Variants in OSGEP observed in about 807,000 individuals in gnomAD.
The protein encoded by OSGEP is O-sialoglycoprotein endopeptidase.
In OSGEP, 39 loss-of-function variants were observed where a neutral mutation model predicts 44.1. The observed-to-expected ratio is 0.88, with a 90% CI of 0.69 to 1.16. OSGEP has a LOEUF of 1.16. Ranked by LOEUF, OSGEP falls within the 50% of genes most tolerant of loss-of-function variation. The probability of loss-of-function intolerance (pLI) is 0.00; values close to 1 mark genes in which losing one functional copy is unlikely to be tolerated. For synonymous variants in OSGEP, 139 were observed against 161.9 expected (o/e 0.86, Z 1.07); for missense variants, 403 against 443.1 (o/e 0.91, Z 0.81).
chr14:20,447,065 C>A lies in OSGEP; in HGVS notation c.*175G>T. ...CAATCCAATCACCAACATACAAAAC[C>A]AAAAAACCAAAAATATTTTATTGCT... is the stretch of plus-strand genomic sequence containing the variant. On this transcript the variant is annotated 3_prime_UTR_variant, in exon 11 of 11. Coordinates refer to ENST00000206542, the MANE Select transcript of OSGEP (RefSeq NM_017807.4). 3.1e-6 allele frequency: 2 copies of A among 639,630 alleles called. No individual in the cohort carries two copies. Among genetic ancestry groups the A allele is most frequent in the Non-Finnish European group, 2.8e-6 (1 of 355,326 alleles). The allele number at this position is 639,630 out of a possible 1,614,324, so 39.6% of individuals were successfully genotyped here.
At chr14:20,454,045 A>G (rs1014167264) in intron 1 of OSGEP, among the ~76,000 whole-genome samples, 1 of 152,140 alleles carries the variant, frequency 6.6e-6, no homozygotes, top group African/African-American at 2.4e-5. Context: ...ATAAAAAATA[A>G]AGACCAAATG....
chr14:20,452,548 G>T, intron 1 of OSGEP, 100 bp from the exon 2 acceptor site: 1 of 1,128,566 alleles, frequency 8.9e-7, no homozygotes, highest in Non-Finnish European at 1.3e-6. Flanking sequence ...TGTAGTAAGA[G>T]TCCTTTCACT....
rs1315440499 is a variant in OSGEP at position 20,446,603 on chromosome 14, AT to A, written c.*636del. ...AGATGTGCGCCACCATGCCCAGATA[AT>A]TTTTACATTTTTCAAATAGATGGTG... On this transcript the variant is annotated 3_prime_UTR_variant, in exon 11 of 11. Transcript: ENST00000206542. The A allele has an allele frequency of 1.3e-5, 2 of 152,024 alleles. No individual in the cohort carries two copies. Among genetic ancestry groups the A allele is most frequent in the Non-Finnish European group, 2.9e-5 (2 of 68,052 alleles). 9.4% of individuals were successfully genotyped at this position (152,024 alleles called of 1,614,324 possible).
At position 20,447,186 on chromosome 14, in the gene OSGEP, G is replaced by A. The variant is rs896456902; in HGVS notation, c.*54C>T. 10 of 1,480,658 alleles carry A rather than the reference G, an allele frequency of 6.8e-6. No homozygotes were observed. Among genetic ancestry groups the A allele is most frequent in the South Asian group, 3.4e-5 (3 of 88,342 alleles). The allele number at this position is 1,480,658 out of a possible 1,614,324, so 91.7% of individuals were successfully genotyped here. A position where few individuals can be genotyped will look rare whatever the true frequency, so the allele number is the denominator to read the frequency against. ...GACATCAGGATAGAGATTGAGGCAC[G>A]GGGTCCTTTGGGTTCCGATTAAGGA... On this transcript the variant is annotated 3_prime_UTR_variant, in exon 11 of 11. Coordinates refer to ENST00000206542, the MANE Select transcript of OSGEP (RefSeq NM_017807.4).
chr14:20,448,861 C>T (rs770185112), intron 5 of OSGEP, 50 bp from the exon 6 acceptor site: 3 of 1,589,240 alleles, frequency 1.9e-6, no homozygotes, highest in African/African-American at 1.3e-5. Flanking sequence ...CAGCTGGCTT[C>T]TCACCCTCCA....
intron 1 of OSGEP, among the ~76,000 whole-genome samples, chr14:20,453,168 G>GC (rs1409589202): frequency 6.6e-6 from 1 of 152,048 alleles, no homozygotes; most frequent in Non-Finnish European, 1.5e-5. Flanking sequence ...TATTCCCAGT[G>GC]CCCAAGTGCC....
At chr14:20,447,579 GAAGT>G in intron 9 of OSGEP, 32 bp downstream of exon 9, 1 of 1,608,340 alleles carries the variant, frequency 6.2e-7, no homozygotes, top group African/African-American at 1.3e-5. Flanking sequence ...TATAACAGGA[GAAGT>G]AAAAAAGAAA....
chr14:20,454,335 T>G (rs1307212933), intron 1 of OSGEP, among the ~76,000 whole-genome samples: 1 of 152,222 alleles, frequency 6.6e-6, no homozygotes, highest in East Asian at 1.9e-4. Context: ...GTATAACATC[T>G]ATTTCTGAAT....
At position 20,454,633 on chromosome 14, in the gene OSGEP, G is replaced by A; in HGVS notation, c.51C>T (p.Gly17=). 3 of 1,614,160 alleles carry A rather than the reference G, an allele frequency of 1.9e-6. No individual in the cohort carries two copies. Among genetic ancestry groups the A allele is most frequent in the Non-Finnish European group, 2.5e-6 (3 of 1,179,998 alleles). The change falls in exon 1 of 11, where the codon GGC becomes GGT. Residue 17 remains glycine, a synonymous_variant. Transcript: ENST00000206542. ...CCAGCACCTTGCCATCCCGCACCACGCCCACGCCAATCTTATTGGCGCTGC... is the reference window on the plus strand; with the variant it reads ...CCAGCACCTTGCCATCCCGCACCACACCCACGCCAATCTTATTGGCGCTGC... ...FEGSANKIGV[G]VVRDGKVLAN...
At chr14:20,454,299 C>T (rs1881196433) in intron 1 of OSGEP, among the ~76,000 whole-genome samples, 1 of 152,148 alleles carries the variant, frequency 6.6e-6, no homozygotes, top group Non-Finnish European at 1.5e-5. Context: ...GTATAAACAT[C>T]TATTTATATG....
chr14:20,447,274 C>G lies in OSGEP; in HGVS notation c.974G>C (p.Arg325Pro). The change falls in exon 11 of 11, where the codon CGG (arginine) becomes CCG (proline). Residue 325 changes from arginine to proline, a missense_variant. By Grantham distance (103) the Arg-to-Pro change is moderately radical (BLOSUM62 -2). Coordinates refer to ENST00000206542, the MANE Select transcript of OSGEP (RefSeq NM_017807.4). ...LSDSGVTQRYRTDEVEVTWRD is the reference protein window; with the variant it reads ...LSDSGVTQRYPTDEVEVTWRD The stretch of plus-strand genomic sequence containing the variant: ...CCAGGTCACCTCTACTTCATCTGTC[C>G]GATACCTGTGGAAAAACAGAAGAAA... The G allele has an allele frequency of 1.9e-6, 3 of 1,614,076 alleles. No individual in the cohort carries two copies. The highest frequency in any genetic ancestry group is 2.5e-6 in the Non-Finnish European group (3 of 1,179,966).
chr14:20,447,392 T>G, intron 10 of OSGEP, 30 bp downstream of exon 10: 1 of 1,606,840 alleles, frequency 6.2e-7, no homozygotes, highest in Non-Finnish European at 8.5e-7. Context: ...GTCCCAATAA[T>G]CTACCCTCAC....
intron 8 of OSGEP, 23 bp downstream of exon 8, chr14:20,447,881 G>A: frequency 6.6e-7 from 1 of 1,523,116 alleles, no homozygotes; most frequent in Non-Finnish European, 9.1e-7. Context: ...TAGGAAAGAG[G>A]AACACTTTTC....
At chr14:20,448,646 A>G (rs1881020008) in intron 6 of OSGEP, 87 bp downstream of exon 6, 1 of 910,942 alleles carries the variant, frequency 1.1e-6, no homozygotes, top group South Asian at 1.4e-5. Flanking sequence ...GAATATACTG[A>G]GCTATACGAA....
At chr14:20,449,043 G>A (rs201594088) in intron 4 of OSGEP, 30 bp from the exon 5 acceptor site, 309 of 1,589,076 alleles carry the variant, frequency 1.9e-4, no homozygotes, top group Non-Finnish European at 2.4e-4. Flanking sequence ...AGGAAGGAGG[G>A]AATGGAAGAG....
chr14:20,448,198 A>C, intron 6 of OSGEP, 27 bp from the exon 7 acceptor site: 1 of 1,587,436 alleles, frequency 6.3e-7, no homozygotes, highest in Non-Finnish European at 8.7e-7. Context: ...AAACAAAAGA[A>C]TCAACAAATC....
intron 6 of OSGEP, among the ~76,000 whole-genome samples, 160 bp from the exon 7 acceptor site, chr14:20,448,331 T>C (rs1881013242): frequency 6.6e-6 from 1 of 152,256 alleles, no homozygotes; most frequent in Non-Finnish European, 1.5e-5. Context: ...TGGCATAGAA[T>C]GAGCAGCTTT....
chr14:20,447,923 G>A lies in OSGEP; in HGVS notation c.774C>T (p.Leu258=). ...ACATACACCCCACTCCTCCCACAAT[G>A]AGGGCCTCCTGGGAGCCACAATGTG... ...AMAHCGSQEA[L]IVGGVGCNVR... is the part of the protein sequence containing the mutation. Residue 258 remains leucine, a synonymous_variant, in exon 8 of 11, where the codon CTC becomes CTT. Coordinates refer to ENST00000206542, the MANE Select transcript of OSGEP (RefSeq NM_017807.4). 2 of 1,612,142 alleles carry A rather than the reference G, an allele frequency of 1.2e-6. No individual in the cohort carries two copies. The highest frequency in any genetic ancestry group is 1.1e-5 in the South Asian group (1 of 91,050).
Position 20,454,739 on chromosome 14 carries a change from A to G in OSGEP, c.-56T>C, listed in dbSNP as rs944937992. 5.3e-6 allele frequency: 7 copies of G among 1,322,070 alleles called. No homozygotes were observed. In the Admixed American group the frequency reaches 1.2e-4, roughly 23 times the overall value. 81.9% of individuals were successfully genotyped at this position (1,322,070 alleles called of 1,614,324 possible). On this transcript the variant is annotated 5_prime_UTR_variant, in exon 1 of 11. Coordinates refer to ENST00000206542, the MANE Select transcript of OSGEP (RefSeq NM_017807.4). ...CTCCTGGCAATGTCAGGAGCTGTGG[A>G]GGTCCTCACTAGTCCGCGCTGGGCC... is the stretch of plus-strand genomic sequence containing the variant.
Sources: allele counts gnomAD v4.1 joint callset (sites outside exome capture counted in the v4.1 genomes callset), GRCh38; gene constraint gnomAD v4.1.1; transcripts MANE v1.5; gene names NCBI Gene and HGNC (gene_info 2026-07-23, HGNC 2026-07-21).